MPZL3: variants seen among roughly 807,000 people sequenced by gnomAD.
MPZL3 encodes the protein myelin protein zero-like protein 3.
In MPZL3, 23 loss-of-function variants were observed where a neutral mutation model predicts 24.8. That is an observed-to-expected ratio of 0.93 (90% CI 0.67 to 1.31). The LOEUF (loss-of-function observed/expected upper bound fraction) is 1.31, where lower values mean the gene tolerates loss of function less well. Among genes scored for constraint, MPZL3 ranks in the 40% most tolerant of loss-of-function variants. The probability of loss-of-function intolerance (pLI) is 0.00; values close to 1 mark genes in which losing one functional copy is unlikely to be tolerated. For synonymous variants in MPZL3, 99 were observed against 106.5 expected, an observed-to-expected ratio of 0.93 and a Z score of 0.44; for missense variants, 277 against 294.9, an observed-to-expected ratio of 0.94 and a Z score of 0.44.
intron 5 of MPZL3, among the ~76,000 whole-genome samples, chr11:118,232,669 T>C (rs1265912766): frequency 2.0e-5 from 3 of 152,172 alleles, no homozygotes; most frequent in Non-Finnish European, 4.4e-5. Context: ...CAAAGGTTGG[T>C]ATTAGGTCCT....
At chr11:118,247,913 G>A (rs1949573407) in intron 1 of MPZL3, among the ~76,000 whole-genome samples, 1 of 151,920 alleles carries the variant, frequency 6.6e-6, no homozygotes, top group African/African-American at 2.4e-5. Flanking sequence ...CATCCTCATG[G>A]TTTCTAATGC....
Position 118,227,254 on chromosome 11 carries a change from C to T in MPZL3, c.*2640G>A, listed in dbSNP as rs1274026518. 6.6e-6 allele frequency: 1 copy of T among 152,224 alleles called. No homozygotes were observed. The highest frequency in any genetic ancestry group is 1.9e-4 in the East Asian group (1 of 5,208). 9.4% of individuals were successfully genotyped at this position (152,224 alleles called of 1,614,324 possible). On this transcript the variant is annotated 3_prime_UTR_variant, in exon 6 of 6. Coordinates refer to ENST00000278949, the MANE Select transcript of MPZL3 (RefSeq NM_198275.3). ...GCAGCTAAAGAAAAATTCTGGAAGG[C>T]TTTTAACCCCTTCTGAACTAAGTTC...
intron 1 of MPZL3, among the ~76,000 whole-genome samples, chr11:118,241,920 T>C (rs1949503957): frequency 6.6e-6 from 1 of 152,240 alleles, no homozygotes. Context: ...TCCTGCCTTC[T>C]GTGCCTTTGC....
intron 1 of MPZL3, 131 bp downstream of exon 1, chr11:118,252,091 C>G: frequency 2.3e-6 from 2 of 858,128 alleles, no homozygotes; most frequent in Admixed American, 1.9e-5. Flanking sequence ...CCCAACGTCC[C>G]GCTCCCTCCC....
rs1949302740 is a variant in MPZL3 at position 118,228,531 on chromosome 11, TG to T, written c.*1362del. The T allele has an allele frequency of 6.6e-6, 1 of 152,218 alleles. No homozygotes were observed. The highest frequency in any genetic ancestry group is 1.5e-5 in the Non-Finnish European group (1 of 68,038). The allele number at this position is 152,218 out of a possible 1,614,324, so 9.4% of individuals were successfully genotyped here. ...ATGTAAATTAACATTTGAAACAAGTTGTCATAGCAGAATGGAGTAACCTGCT... is the reference window on the plus strand; with the variant it reads ...ATGTAAATTAACATTTGAAACAAGTTTCATAGCAGAATGGAGTAACCTGCT... On this transcript the variant is annotated 3_prime_UTR_variant, in exon 6 of 6. Transcript: ENST00000278949.
intron 3 of MPZL3, 110 bp downstream of exon 3, chr11:118,236,940 G>A (rs1949432947): frequency 5.7e-6 from 5 of 870,470 alleles, no homozygotes; most frequent in African/African-American, 1.7e-5. Flanking sequence ...ATGATTTAAT[G>A]ACCCAACTGG....
chr11:118,240,144 A>G (rs892148979), intron 2 of MPZL3, 67 bp downstream of exon 2: 16 of 1,437,842 alleles, frequency 1.1e-5, no homozygotes, highest in Non-Finnish European at 1.5e-5. Flanking sequence ...AGGCATGCCT[A>G]TGATTTGCAG....
intron 1 of MPZL3, among the ~76,000 whole-genome samples, chr11:118,244,723 T>C (rs1009693872): frequency 2.0e-5 from 3 of 152,114 alleles, no homozygotes; most frequent in Admixed American, 6.5e-5. Context: ...TAGGAAGCCA[T>C]GGAAAGTACT....
At chr11:118,239,894 A>G (rs1269493685) in intron 2 of MPZL3, among the ~76,000 whole-genome samples, 2 of 152,222 alleles carry the variant, frequency 1.3e-5, no homozygotes, top group Admixed American at 6.5e-5. Flanking sequence ...TCCTGAAGGT[A>G]CCCTTTTTAG....
Position 118,233,500 on chromosome 11 carries a change from G to T in MPZL3, c.641C>A (p.Ala214Glu). ...ACGGACACAAAGCCTCGCCATACAC[G>T]CCTCTTCCTCCTCCTGATCAGTGCT... ...SDDTDQEEEE[A>E]CMARLCVRCA... The change falls in exon 5 of 6, where the codon GCG becomes GAG. Residue 214 changes from alanine to glutamate, a missense_variant. Physicochemically the swap from Ala to Glu is moderately radical, Grantham distance 107. Coordinates refer to ENST00000278949, the MANE Select transcript of MPZL3 (RefSeq NM_198275.3). 6.2e-7 allele frequency: 1 copy of T among 1,613,694 alleles called. No homozygotes were observed. Among genetic ancestry groups the T allele is most frequent in the Non-Finnish European group, 8.5e-7 (1 of 1,179,854 alleles).
intron 1 of MPZL3, among the ~76,000 whole-genome samples, chr11:118,248,736 T>C (rs1949584685): frequency 1.3e-5 from 2 of 152,332 alleles, no homozygotes; most frequent in Admixed American, 6.5e-5. Context: ...CTTTTTTCTT[T>C]TTCTTGATTT....
At chr11:118,231,412 G>C (rs1027648489) in intron 5 of MPZL3, among the ~76,000 whole-genome samples, 2 of 151,974 alleles carry the variant, frequency 1.3e-5, no homozygotes, top group African/African-American at 4.8e-5. Context: ...GGAGGGCCCA[G>C]GTTCTGTCCT....
chr11:118,250,898 TA>T (rs1469827039), intron 1 of MPZL3, among the ~76,000 whole-genome samples: 2 of 152,152 alleles, frequency 1.3e-5, no homozygotes, highest in Non-Finnish European at 2.9e-5. Context: ...AGTTATTTTT[TA>T]AAAGGCAAAA....
At position 118,237,135 on chromosome 11, in the gene MPZL3, G is replaced by T; in HGVS notation, c.366C>A (p.Asp122Glu). ...TCACAGCACAGCTGAATGTCCCATTGTCCTTTATGGTAGGGTTGCTTATAC... is the reference window on the plus strand; with the variant it reads ...TCACAGCACAGCTGAATGTCCCATTTTCCTTTATGGTAGGGTTGCTTATAC... Reference protein sequence around the residue: ...SISISNPTIKDNGTFSCAVKN... With the variant: ...SISISNPTIKENGTFSCAVKN... Residue 122 changes from aspartate to glutamate, a missense_variant, in exon 3 of 6, where the codon GAC becomes GAA. Coordinates refer to ENST00000278949, the MANE Select transcript of MPZL3 (RefSeq NM_198275.3). 1.9e-6 allele frequency: 3 copies of T among 1,614,058 alleles called. No individual in the cohort carries two copies. The highest frequency in any genetic ancestry group is 1.7e-6 in the Non-Finnish European group (2 of 1,179,972).
At position 118,240,216 on chromosome 11, in the gene MPZL3, C is replaced by G; in HGVS notation, c.235G>C (p.Val79Leu). 6.4e-7 allele frequency: 1 copy of G among 1,561,230 alleles called. No individual in the cohort carries two copies. The highest frequency in any genetic ancestry group is 8.6e-7 in the Non-Finnish European group (1 of 1,161,502). ...CCGAAAAAGTACACACTTACTGATA[C>G]TGTGTGGCTGCTGCTGGGAGGGCGA... ...TYRPPSSSHT[V>L]SIFHYQSFQY... is the part of the protein sequence containing the mutation. The change falls in exon 2 of 6, where the codon GTA becomes CTA. Residue 79 changes from valine to leucine, a missense_variant. Physicochemically the swap from Val to Leu is conservative, Grantham distance 32 (BLOSUM62 1). Coordinates refer to ENST00000278949, the MANE Select transcript of MPZL3 (RefSeq NM_198275.3).
At chr11:118,250,061 G>A (rs1437528848) in intron 1 of MPZL3, among the ~76,000 whole-genome samples, 1 of 151,744 alleles carries the variant, frequency 6.6e-6, no homozygotes, top group African/African-American at 2.4e-5. Flanking sequence ...AAGTGCAGTG[G>A]TGCAATCCCA....
At chr11:118,235,355 G>A (rs1949409030) in intron 4 of MPZL3, 69 bp downstream of exon 4, 2 of 1,510,730 alleles carry the variant, frequency 1.3e-6, no homozygotes, top group South Asian at 1.3e-5. Flanking sequence ...GGAAGGTGTG[G>A]ATGTGGGGGT....
chr11:118,247,261 A>T (rs1239439779), intron 1 of MPZL3, among the ~76,000 whole-genome samples: 1 of 152,186 alleles, frequency 6.6e-6, no homozygotes, highest in African/African-American at 2.4e-5. Context: ...GAGGGGAGAA[A>T]ACTAAAAGTA....
At chr11:118,232,329 C>T (rs1468746202) in intron 5 of MPZL3, among the ~76,000 whole-genome samples, 1 of 152,090 alleles carries the variant, frequency 6.6e-6, no homozygotes, top group Non-Finnish European at 1.5e-5. Context: ...GCCATCCCAT[C>T]CCCCTTTTCT....
Sources: gnomAD v4.1 joint callset for allele counts (sites outside exome capture counted in the v4.1 genomes callset) on GRCh38, gnomAD v4.1.1 for gene constraint, MANE v1.5 for transcripts, NCBI Gene and HGNC (gene_info 2026-07-23, HGNC 2026-07-21) for gene names.